RBFOX1: variants seen among roughly 807,000 people sequenced by gnomAD.
RBFOX1 encodes the protein RNA binding fox-1 homolog 1, also known as RNA binding protein fox-1 homolog 1.
RBFOX1 carries 8 observed loss-of-function variants against 57.7 expected under a neutral mutation model. That is an observed-to-expected ratio of 0.14 (90% CI 0.08 to 0.25). The LOEUF (loss-of-function observed/expected upper bound fraction) is 0.25, where lower values mean the gene tolerates loss of function less well. Among genes scored for constraint, RBFOX1 ranks in the 10% least tolerant of loss-of-function variants. RBFOX1 has a pLI of 1.00. For missense variants in RBFOX1, 611 were observed against 548.5 expected (o/e 1.11, Z -1.14); for synonymous variants, 326 against 222.4 (o/e 1.47, Z -4.15).
intron 3 of RBFOX1, among the ~76,000 whole-genome samples, chr16:6,728,962 G>A (rs1224607001): frequency 6.6e-6 from 1 of 152,080 alleles, no homozygotes; most frequent in Non-Finnish European, 1.5e-5. Context: ...CACACTTTTA[G>A]TCAAAGTAGT....
chr16:7,157,262 C>G (rs994885348), intron 4 of RBFOX1, among the ~76,000 whole-genome samples: 3 of 152,170 alleles, frequency 2.0e-5, no homozygotes, highest in Non-Finnish European at 4.4e-5. Flanking sequence ...TACCCAGGCT[C>G]TCAAAATGGG....
intron 2 of RBFOX1, among the ~76,000 whole-genome samples, chr16:5,549,273 C>A (rs896479159): frequency 2.0e-5 from 3 of 152,194 alleles, no homozygotes; most frequent in African/African-American, 7.2e-5. Context: ...GCAGATACTT[C>A]TGTCTGTCTC....
intron 2 of RBFOX1, among the ~76,000 whole-genome samples, chr16:6,440,888 G>A (rs1422970609): frequency 6.6e-6 from 1 of 152,064 alleles, no homozygotes; most frequent in African/African-American, 2.4e-5. Flanking sequence ...GAACAGTATG[G>A]ATGAGCTGGG....
intron 3 of RBFOX1, among the ~76,000 whole-genome samples, chr16:6,940,760 G>A (rs796767884): frequency 1.1e-4 from 15 of 139,912 alleles, no homozygotes; most frequent in African/African-American, 3.9e-4. Context: ...ACCATGTCCC[G>A]CTAGTGTGTG....
In RBFOX1 at chr16:6,287,149, G is replaced by A. The variant is rs75502758; in HGVS notation, c.-126-29846G>A. 1.5e-3 allele frequency among the ~76,000 whole-genome samples: 222 copies of A among 152,176 alleles called. 5 individuals carry two copies. The East Asian group carries it at 0.038, about 26-fold the overall frequency. ...TCAGAGTCATTTGATCATTACCAAC[G>A]ACAGGCACAAAAAACTCCATTTGAA... On this transcript the variant is annotated intron_variant, in intron 1 of 15. Coordinates refer to ENST00000550418, the MANE Select transcript of RBFOX1 (RefSeq NM_018723.4).
chr16:5,856,230 T>TACAC (rs1491313683), intron 3 of RBFOX1, among the ~76,000 whole-genome samples: 13 of 65,062 alleles, frequency 2.0e-4, no homozygotes, highest in African/African-American at 5.0e-4. Flanking sequence ...TATATATATG[T>TACAC]ATATATATGT....
chr16:6,572,576 T>G (rs1399597582), intron 2 of RBFOX1, among the ~76,000 whole-genome samples: 2 of 152,108 alleles, frequency 1.3e-5, no homozygotes, highest in African/African-American at 2.4e-5. Flanking sequence ...CAGCTATGTT[T>G]TCACATCTTC....
intron 1 of RBFOX1, among the ~76,000 whole-genome samples, chr16:6,254,380 G>A (rs949621852): frequency 9.2e-5 from 14 of 152,124 alleles, no homozygotes; most frequent in Admixed American, 5.2e-4. Context: ...GAGAATTTAC[G>A]GCAATGAGAT....
chr16:6,314,812 C>T (rs1463204346), intron 1 of RBFOX1, among the ~76,000 whole-genome samples: 2 of 152,172 alleles, frequency 1.3e-5, no homozygotes, highest in Non-Finnish European at 2.9e-5. Context: ...CTCAGATAAT[C>T]CTGCATTGGA....
chr16:6,850,567 T>C (rs2094006496), intron 3 of RBFOX1, among the ~76,000 whole-genome samples: 1 of 152,206 alleles, frequency 6.6e-6, no homozygotes, highest in South Asian at 2.1e-4. Context: ...GCTAAGATTA[T>C]ATCCCTACTG....
chr16:5,248,689 G>A (rs1339810817), intron 1 of RBFOX1, among the ~76,000 whole-genome samples: 1 of 152,090 alleles, frequency 6.6e-6, no homozygotes, highest in Non-Finnish European at 1.5e-5. Flanking sequence ...GCAAAGAGAT[G>A]GCAGAGTTAG....
chr16:6,121,162 A>T (rs971715380), intron 1 of RBFOX1, among the ~76,000 whole-genome samples: 1 of 152,160 alleles, frequency 6.6e-6, no homozygotes, highest in Admixed American at 6.5e-5. Flanking sequence ...AGCCCTGCCA[A>T]CCCATCAAAA....
At chr16:6,508,784 A>C (rs1252665303) in intron 2 of RBFOX1, among the ~76,000 whole-genome samples, 1 of 152,138 alleles carries the variant, frequency 6.6e-6, no homozygotes, top group Non-Finnish European at 1.5e-5. Flanking sequence ...AAATTTAGAG[A>C]AGAAATTTGC....
intron 1 of RBFOX1, among the ~76,000 whole-genome samples, chr16:6,058,464 A>G (rs2095641805): frequency 6.6e-6 from 1 of 152,200 alleles, no homozygotes; most frequent in Admixed American, 6.5e-5. Flanking sequence ...ATCTTTAAAG[A>G]TACATCTTTA....
intron 4 of RBFOX1, among the ~76,000 whole-genome samples, chr16:7,108,754 C>T (rs1409855169): frequency 2.0e-5 from 3 of 152,182 alleles, no homozygotes; most frequent in African/African-American, 4.8e-5. Flanking sequence ...CTTGGAGATA[C>T]ACTCACCCCT....
intron 1 of RBFOX1, among the ~76,000 whole-genome samples, chr16:5,454,210 A>T (rs982086998): frequency 6.6e-6 from 1 of 152,196 alleles, no homozygotes; most frequent in Admixed American, 6.5e-5. Flanking sequence ...AGGTACAGAG[A>T]TCTCTGGCCG....
chr16:5,410,632 C>G (rs1012111779), intron 1 of RBFOX1, among the ~76,000 whole-genome samples: 3 of 152,216 alleles, frequency 2.0e-5, no homozygotes, highest in African/African-American at 4.8e-5. Context: ...ACAGTCAGCC[C>G]AGTCTTATCC....
Position 6,561,669 on chromosome 16 carries a change from T to C in RBFOX1, c.-63-92934T>C, listed in dbSNP as rs1599881631. On this transcript the variant is annotated intron_variant, in intron 2 of 15. Transcript: ENST00000550418. ...CTTTTCCTTTCTTTTATTTTATCTT[T>C]TTGTTTTTTCTTTTATGCTAGTTGC... Among the ~76,000 whole-genome samples the C allele has an allele frequency of 2.6e-5, 4 of 152,358 alleles. No homozygotes were observed. The South Asian group carries it at 8.3e-4, about 32-fold the overall frequency.
At chr16:6,895,442 GTGTGTGTATATATA>G (rs1335245583) in intron 3 of RBFOX1, among the ~76,000 whole-genome samples, 5 of 78,664 alleles carry the variant, frequency 6.4e-5, no homozygotes, top group African/African-American at 2.5e-4. Context: ...GTGTGTGTGT[GTGTGTGTATATATA>G]TATATATATA....
Sources: gnomAD v4.1 joint callset for allele counts (sites outside exome capture counted in the v4.1 genomes callset) on GRCh38, gnomAD v4.1.1 for gene constraint, MANE v1.5 for transcripts, NCBI Gene and HGNC (gene_info 2026-07-23, HGNC 2026-07-21) for gene names.